KAZN: variants seen among roughly 807,000 people sequenced by gnomAD.
KAZN encodes the protein kazrin, periplakin interacting protein.
Under a neutral mutation model 87.4 loss-of-function variants are expected in KAZN, and 40 were observed. The observed-to-expected ratio is 0.46, with a 90% CI of 0.36 to 0.60. The LOEUF (loss-of-function observed/expected upper bound fraction) is 0.60. KAZN is among the 20% of genes least tolerant of loss of function. The pLI is 0.00. For synonymous variants in KAZN, 466 were observed against 458.3 expected (o/e 1.02, Z -0.22); for missense variants, 898 against 1,073.9 (o/e 0.84, Z 2.29).
At chr1:14,967,211 C>T (rs561995248) in intron 2 of KAZN, among the ~76,000 whole-genome samples, 1 of 152,260 alleles carries the variant, frequency 6.6e-6, no homozygotes, top group Non-Finnish European at 1.5e-5. Context: ...CTCTCCCTCC[C>T]TTTGCAGCCT....
intron 1 of KAZN, among the ~76,000 whole-genome samples, chr1:13,905,084 T>A (rs1056931903): frequency 1.3e-5 from 2 of 152,184 alleles, no homozygotes; most frequent in African/African-American, 4.8e-5. Context: ...GAAGTTCTCA[T>A]TGAATAGTTT....
chr1:15,038,657 C>A lies in KAZN; in HGVS notation c.555+3772C>A, dbSNP rs148571065. The stretch of plus-strand genomic sequence containing the variant: ...TTACCAATAGCAGATGTTTATTGTG[C>A]AACTACTGTTTAAGGCATGAACATG... On this transcript the variant is annotated intron_variant, in intron 3 of 14. Coordinates refer to ENST00000376030, the MANE Select transcript of KAZN (RefSeq NM_201628.3). Among the ~76,000 whole-genome samples the A allele has an allele frequency of 5.6e-3, 852 of 152,274 alleles. 3 individuals carry two copies. The highest frequency in any genetic ancestry group is 0.01 in the Non-Finnish European group (687 of 68,032).
intron 1 of KAZN, among the ~76,000 whole-genome samples, chr1:14,671,099 A>G (rs1323160473): frequency 1.3e-5 from 2 of 152,186 alleles, no homozygotes; most frequent in African/African-American, 4.8e-5. Context: ...CTAATCACAG[A>G]TGTTGAGCCA....
At chr1:14,585,841 C>T (rs1190810321) in intron 2 of KAZN, among the ~76,000 whole-genome samples, 1 of 152,144 alleles carries the variant, frequency 6.6e-6, no homozygotes, top group Non-Finnish European at 1.5e-5. Context: ...TGTCACATCG[C>T]CCACATCCCC....
chr1:14,050,846 G>A (rs548808404), intron 1 of KAZN, among the ~76,000 whole-genome samples: 33 of 152,112 alleles, frequency 2.2e-4, no homozygotes, highest in Non-Finnish European at 3.7e-4. Flanking sequence ...GCCCACTGCC[G>A]CATCCTCAGA....
intron 2 of KAZN, among the ~76,000 whole-genome samples, chr1:14,218,401 T>C (rs571273575): frequency 1.3e-5 from 2 of 152,292 alleles, no homozygotes; most frequent in African/African-American, 4.8e-5. Context: ...CTTGAAATAC[T>C]ATTTCCCACT....
chr1:15,079,319 A>C lies in KAZN; in HGVS notation c.1222+13566A>C, dbSNP rs1639895336. ...GGGAGGGGGCTCATTCAAGCCAAAG[A>C]GGCAAAATTGGTGAAAATCTAGCTA... On this transcript the variant is annotated intron_variant, in intron 8 of 14. Transcript: ENST00000376030. Among the ~76,000 whole-genome samples the C allele has an allele frequency of 2.6e-5, 4 of 152,198 alleles. No homozygotes were observed. In the South Asian group the frequency reaches 8.3e-4, roughly 32 times the overall value.
At chr1:14,241,185 T>C (rs1183361023) in intron 2 of KAZN, among the ~76,000 whole-genome samples, 2 of 152,210 alleles carry the variant, frequency 1.3e-5, no homozygotes, top group African/African-American at 4.8e-5. Context: ...CAGCCTCTTT[T>C]GTCTCCCTCA....
chr1:15,107,160 A>G (rs6429710), intron 13 of KAZN, among the ~76,000 whole-genome samples: 51,198 of 152,056 alleles, frequency 0.34, 8,838 homozygotes, highest in South Asian at 0.49. Context: ...CCCTTTTGCC[A>G]TAAAAGCCAC....
intron 1 of KAZN, among the ~76,000 whole-genome samples, chr1:14,625,583 GA>G (rs1242180027): frequency 5.9e-5 from 9 of 152,170 alleles, no homozygotes; most frequent in Non-Finnish European, 1.2e-4. Context: ...GTTTAAGGGG[GA>G]AAAAAACTTT....
intron 2 of KAZN, among the ~76,000 whole-genome samples, chr1:14,392,554 T>C (rs1662540281): frequency 6.6e-6 from 1 of 152,088 alleles, no homozygotes; most frequent in Non-Finnish European, 1.5e-5. Flanking sequence ...CAAGCTTCCA[T>C]CTGGCCATGA....
At chr1:14,333,661 G>A (rs1284912981) in intron 2 of KAZN, among the ~76,000 whole-genome samples, 2 of 152,196 alleles carry the variant, frequency 1.3e-5, no homozygotes, top group Non-Finnish European at 2.9e-5. Flanking sequence ...AAGATTCGTG[G>A]TAATGAGTGC....
intron 2 of KAZN, among the ~76,000 whole-genome samples, chr1:14,551,223 T>C (rs1420183890): frequency 6.6e-6 from 1 of 152,138 alleles, no homozygotes; most frequent in Non-Finnish European, 1.5e-5. Flanking sequence ...CACCGACTCA[T>C]ATGGATAGAT....
At chr1:14,326,042 C>A (rs567063859) in intron 2 of KAZN, among the ~76,000 whole-genome samples, 2 of 152,296 alleles carry the variant, frequency 1.3e-5, no homozygotes, top group Admixed American at 6.5e-5. Context: ...ACATTGAGAA[C>A]TCCTGTAGCT....
At position 15,060,049 on chromosome 1, in the gene KAZN, C is replaced by G. The variant is rs113054093; in HGVS notation, c.917-123C>G. The G allele has an allele frequency of 1.2e-3, 1,613 of 1,292,484 alleles. 19 individuals are homozygous for G. In the African/African-American group the frequency reaches 0.021, roughly 16 times the overall value. 80.1% of individuals were successfully genotyped at this position (1,292,484 alleles called of 1,614,324 possible). On this transcript the variant is annotated intron_variant, in intron 5 of 14. Coordinates refer to ENST00000376030, the MANE Select transcript of KAZN (RefSeq NM_201628.3). ...GGTTGGAGAACCAGGCAAGTCTCTT[C>G]CCTTCTCTACACCTCAGTGTTCCCA...
chr1:14,756,746 A>G (rs1295801739), intron 1 of KAZN, among the ~76,000 whole-genome samples: 1 of 152,248 alleles, frequency 6.6e-6, no homozygotes, highest in African/African-American at 2.4e-5. Flanking sequence ...CATTGTGAAT[A>G]TAAAGAAGGG....
rs545474198 is a variant in KAZN, at chr1:14,367,892, T to G, written c.249+187300T>G. On this transcript the variant is annotated intron_variant, in intron 2 of 16. Transcript: ENST00000636203. ...CTCAGATCCTTGGAGACTTTTCAGT[T>G]TGATTGTATCTGAACCTTGACCCCT... Among the ~76,000 whole-genome samples, 5 of 152,322 alleles carry G rather than the reference T, an allele frequency of 3.3e-5. No individual in the cohort carries two copies. In the East Asian group the frequency reaches 9.7e-4, roughly 29 times the overall value.
chr1:14,492,755 C>CT (rs1669738490), intron 2 of KAZN, among the ~76,000 whole-genome samples: 1 of 124,262 alleles, frequency 8.0e-6, no homozygotes, highest in Non-Finnish European at 1.7e-5. Flanking sequence ...ACCACATGTG[C>CT]ACACACATCA....
chr1:14,527,291 C>T (rs899210359), intron 2 of KAZN, among the ~76,000 whole-genome samples: 1 of 152,192 alleles, frequency 6.6e-6, no homozygotes, highest in African/African-American at 2.4e-5. Flanking sequence ...TGGCTTACGC[C>T]TGTAATCCCA....
Sources: allele counts gnomAD v4.1 joint callset (sites outside exome capture counted in the v4.1 genomes callset), GRCh38; gene constraint gnomAD v4.1.1; transcripts MANE v1.5; gene names NCBI Gene and HGNC (gene_info 2026-07-23, HGNC 2026-07-21).